The following WDR7 variants were observed in gnomAD, a reference collection of about 807,000 sequenced individuals.
WDR7 encodes the protein WD repeat domain 7.
In WDR7, 46 loss-of-function variants were observed where a neutral mutation model predicts 169.4. The observed-to-expected ratio is 0.27, with a 90% confidence interval of 0.21 to 0.35. The LOEUF (loss-of-function observed/expected upper bound fraction) is 0.35, where lower values mean the gene tolerates loss of function less well. WDR7 is among the 10% of genes least tolerant of loss of function. WDR7 has a pLI of 1.00. For missense variants in WDR7, 1,534 were observed against 1,859.3 expected (o/e 0.83, Z 3.22); for synonymous variants, 612 against 666.8 (o/e 0.92, Z 1.27).
chr18:56,951,207 C>T (rs1353032642), intron 25 of WDR7, among the ~76,000 whole-genome samples: 1 of 152,156 alleles, frequency 6.6e-6, no homozygotes, highest in Non-Finnish European at 1.5e-5. Context: ...CTTCACTCCT[C>T]TTGTTTATCC....
chr18:56,783,733 A>G (rs951853712), intron 19 of WDR7, among the ~76,000 whole-genome samples: 1 of 152,244 alleles, frequency 6.6e-6, no homozygotes, highest in Non-Finnish European at 1.5e-5. Context: ...TTGATTGCTT[A>G]TAAAGGTCTA....
chr18:56,944,974 C>T (rs1423179549), intron 25 of WDR7, among the ~76,000 whole-genome samples: 1 of 152,122 alleles, frequency 6.6e-6, no homozygotes, highest in Non-Finnish European at 1.5e-5. Context: ...CAAGATAAAA[C>T]CCAAACCTTC....
chr18:56,743,393 A>G (rs1442352601), intron 14 of WDR7, among the ~76,000 whole-genome samples: 1 of 152,252 alleles, frequency 6.6e-6, no homozygotes, highest in Admixed American at 6.5e-5. Context: ...ACCTTAAGGG[A>G]GGAGGAAAAG....
chr18:56,696,367 A>C lies in WDR7; in HGVS notation c.1483A>C (p.Ile495Leu). 1 of 1,614,174 alleles carries C rather than the reference A, an allele frequency of 6.2e-7. No individual in the cohort carries two copies. The highest frequency in any genetic ancestry group is 8.5e-7 in the Non-Finnish European group (1 of 1,180,030). Residue 495 changes from isoleucine to leucine, a missense_variant, in exon 12 of 28, where the codon ATA (isoleucine) becomes CTA (leucine). Coordinates refer to ENST00000254442, the MANE Select transcript of WDR7 (RefSeq NM_015285.3). ...ATCTGGAGGTGTGGATTTTTCAGTC[A>C]TAATTTGGGACATATTTTCTGGAGA... ...LISGGVDFSV[I>L]IWDIFSGEMK...
intron 13 of WDR7, among the ~76,000 whole-genome samples, chr18:56,723,393 G>A (rs115920241): frequency 0.026 from 3,921 of 151,946 alleles, 151 homozygotes; most frequent in African/African-American, 0.089. Flanking sequence ...TTCTTTTAGT[G>A]TAGGTCTGCA....
At chr18:56,815,905 G>A (rs1381054848) in intron 19 of WDR7, 126 bp from the exon 20 acceptor site, 1 of 717,322 alleles carries the variant, frequency 1.4e-6, no homozygotes, top group Admixed American at 3.2e-5. Flanking sequence ...TCTAATTTTG[G>A]TGAACATATA....
intron 20 of WDR7, among the ~76,000 whole-genome samples, chr18:56,853,826 T>C (rs962387008): frequency 1.3e-5 from 2 of 152,230 alleles, no homozygotes; most frequent in Admixed American, 6.5e-5. Context: ...TAGTACTTTC[T>C]TCCTCTTAAC....
intron 26 of WDR7, among the ~76,000 whole-genome samples, chr18:56,992,143 A>G (rs1446566128): frequency 1.3e-5 from 2 of 152,228 alleles, no homozygotes; most frequent in Non-Finnish European, 2.9e-5. Flanking sequence ...AAGACAACTG[A>G]TCTTCTGTAA....
intron 20 of WDR7, among the ~76,000 whole-genome samples, chr18:56,848,941 C>A (rs575568901): frequency 2.6e-5 from 4 of 152,228 alleles, no homozygotes; most frequent in Non-Finnish European, 4.4e-5. Flanking sequence ...ATAGCAATGC[C>A]AAAATGGAAT....
chr18:56,777,536 T>C (rs1446932734), intron 17 of WDR7, among the ~76,000 whole-genome samples: 1 of 152,164 alleles, frequency 6.6e-6, no homozygotes, highest in African/African-American at 2.4e-5. Context: ...CTTTATTCCA[T>C]AAGACCTATC....
chr18:57,030,629 TG>T (rs2048435960), downstream of WDR7: 1 of 152,144 alleles, frequency 6.6e-6, no homozygotes, highest in Non-Finnish European at 1.5e-5. Context: ...AGCCCAGTGT[TG>T]AAGAAAATCA....
intron 21 of WDR7, among the ~76,000 whole-genome samples, chr18:56,891,150 A>G (rs888259980): frequency 1.3e-5 from 2 of 152,184 alleles, no homozygotes; most frequent in African/African-American, 4.8e-5. Context: ...CTTAATGCAC[A>G]AATTATACCT....
In WDR7 at chr18:56,776,771, T is replaced by C. The variant is rs1192431230; in HGVS notation, c.2849-11T>C. ...TCTCTCCTCTTTACTTCTTCTCTTT[T>C]CCTCTGCAAGTTGCTGCACCTGTCG... On this transcript the variant is annotated splice_polypyrimidine_tract_variant and intron_variant, in intron 16 of 27. Coordinates refer to ENST00000254442, the MANE Select transcript of WDR7 (RefSeq NM_015285.3). 6.2e-7 allele frequency: 1 copy of C among 1,612,674 alleles called. No individual in the cohort carries two copies. The highest frequency in any genetic ancestry group is 8.5e-7 in the Non-Finnish European group (1 of 1,178,812).
At chr18:56,930,603 G>A (rs1430029767) in intron 22 of WDR7, among the ~76,000 whole-genome samples, 4 of 152,288 alleles carry the variant, frequency 2.6e-5, no homozygotes, top group Admixed American at 6.5e-5. Flanking sequence ...ATAAAGGTAC[G>A]ACATGACAGA....
intron 27 of WDR7, among the ~76,000 whole-genome samples, chr18:57,023,691 G>A (rs571514216): frequency 2.0e-5 from 3 of 152,186 alleles, no homozygotes; most frequent in Admixed American, 1.3e-4. Flanking sequence ...TTCTAACCCC[G>A]TTTTCTACAA....
chr18:56,971,923 ATTTCT>A (rs2047494289), intron 26 of WDR7, among the ~76,000 whole-genome samples: 2 of 152,194 alleles, frequency 1.3e-5, no homozygotes, highest in South Asian at 4.1e-4. Flanking sequence ...AAGCAGAGAC[ATTTCT>A]TATCTGTGAT....
chr18:56,787,680 T>G (rs1568194759), intron 19 of WDR7, among the ~76,000 whole-genome samples: 1 of 152,166 alleles, frequency 6.6e-6, no homozygotes, highest in East Asian at 1.9e-4. Context: ...TGTTTTGGGT[T>G]TGACTTTCAA....
intron 21 of WDR7, among the ~76,000 whole-genome samples, chr18:56,902,753 A>G (rs757598125): frequency 6.6e-6 from 1 of 152,194 alleles, no homozygotes; most frequent in African/African-American, 2.4e-5. Flanking sequence ...CAAATTAACA[A>G]CTGGACAAAA....
intron 21 of WDR7, among the ~76,000 whole-genome samples, chr18:56,884,820 T>C (rs2046163925): frequency 6.6e-6 from 1 of 152,256 alleles, no homozygotes; most frequent in Non-Finnish European, 1.5e-5. Context: ...CACCACCTCC[T>C]GGCTGGAAGC....
Sources: allele counts gnomAD v4.1 joint callset (sites outside exome capture counted in the v4.1 genomes callset), GRCh38; gene constraint gnomAD v4.1.1; transcripts MANE v1.5; gene names NCBI Gene and HGNC (gene_info 2026-07-23, HGNC 2026-07-21).